Variants in STAG2 observed in about 807,000 individuals in gnomAD.
The protein encoded by STAG2 is STAG2 cohesin complex component.
A neutral mutation model predicts 108.1 loss-of-function variants in STAG2; 14 were observed. That is an observed-to-expected ratio of 0.13 (90% CI 0.09 to 0.20). STAG2 has a LOEUF of 0.20. Ranked by LOEUF, STAG2 falls within the 10% of genes least tolerant of loss-of-function variation. The pLI, the probability that STAG2 is intolerant of heterozygous loss-of-function variation, is 1.00. For synonymous variants in STAG2, 307 were observed against 302.7 expected, an observed-to-expected ratio of 1.01 and a Z score of -0.15; for missense variants, 440 against 940.9, an observed-to-expected ratio of 0.47 and a Z score of 6.96.
intron 13 of STAG2, among the ~76,000 whole-genome samples, chrX:124,053,722 C>G (rs1279054164): frequency 1.8e-5 from 2 of 111,434 alleles, no homozygotes; most frequent in African/African-American, 6.5e-5. Context: ...GAGCATGACA[C>G]AAAAGCTAGA....
rs747854079 is a variant in STAG2, at chrX:124,061,325, A to C, written c.1518A>C (p.Pro506=). Residue 506 remains proline (P), a synonymous_variant, in exon 16 of 35, where the codon CCA becomes CCC. Transcript: ENST00000371145. ...TGAATAGCTTGTTACTGGAAGAGCC[A>C]CTTAGTGGAGAGGAAGGTAAGGATG... ...ECMNSLLLEE[P]LSGEEALTDR... The C allele has an allele frequency of 8.3e-7, 1 of 1,197,868 alleles. No homozygotes were observed. Among genetic ancestry groups the C allele is most frequent in the Non-Finnish European group, 1.1e-6 (1 of 883,888 alleles).
chrX:124,037,765 AAAG>A (rs1373047516), intron 6 of STAG2, 142 bp downstream of exon 6: 1 of 228,554 alleles, frequency 4.4e-6, no homozygotes, highest in African/African-American at 2.9e-5. Flanking sequence ...TGTAAGGAAA[AAAG>A]AGCAAAGGAC....
At chrX:124,012,721 C>T (rs1431512310) in intron 1 of STAG2, among the ~76,000 whole-genome samples, 2 of 111,642 alleles carry the variant, frequency 1.8e-5, no homozygotes, top group Non-Finnish European at 3.8e-5. Flanking sequence ...TTAATAGTCA[C>T]CACATTTTTA....
chrX:124,024,913 A>C (rs192815936), intron 3 of STAG2, among the ~76,000 whole-genome samples: 4 of 111,989 alleles, frequency 3.6e-5, no homozygotes, highest in African/African-American at 1.3e-4. Flanking sequence ...TAATATAAGT[A>C]TGCCTTGCTT....
chrX:124,031,667 C>A (rs983453306), intron 5 of STAG2, among the ~76,000 whole-genome samples: 2 of 109,037 alleles, frequency 1.8e-5, no homozygotes, highest in African/African-American at 6.7e-5. Flanking sequence ...ATCTGCCCTC[C>A]TTGGCCTCCC....
intron 34 of STAG2, among the ~76,000 whole-genome samples, chrX:124,098,952 A>C (rs1293660022): frequency 8.9e-6 from 1 of 112,022 alleles, no homozygotes; most frequent in African/African-American, 3.2e-5. Context: ...CAGAATTGCC[A>C]AAATACACTG....
chrX:124,015,387 T>G (rs1827465184), intron 1 of STAG2, among the ~76,000 whole-genome samples: 2 of 107,364 alleles, frequency 1.9e-5, no homozygotes, highest in South Asian at 8.2e-4. Context: ...AAGAAGAATT[T>G]CTTTTTTTTT....
In STAG2 at chrX:124,010,936, C is replaced by G. The variant is rs1423201259; in HGVS notation, c.-162-10431C>G. ...ATTTTTTTCATTTTTGCAAAAAGTG[C>G]TATTGGAATTTTGATAGGGATTGTG... is the stretch of plus-strand genomic sequence containing the variant. On this transcript the variant is annotated intron_variant, in intron 1 of 34. Coordinates refer to ENST00000371145, the MANE Select transcript of STAG2 (RefSeq NM_001042750.2). 3.6e-5 allele frequency among the ~76,000 whole-genome samples: 4 copies of G among 110,987 alleles called. No homozygotes were observed. In the East Asian group the frequency reaches 1.1e-3, roughly 31 times the overall value.
chrX:123,977,087 A>T (rs1403423011), intron 1 of STAG2, among the ~76,000 whole-genome samples: 4 of 111,903 alleles, frequency 3.6e-5, no homozygotes, highest in Non-Finnish European at 7.5e-5. Context: ...GTCATGTTTT[A>T]TAATAAACAT....
intron 17 of STAG2, 133 bp from the exon 18 acceptor site, chrX:124,062,768 GT>G: frequency 2.2e-6 from 1 of 456,073 alleles, no homozygotes; most frequent in Non-Finnish European, 3.6e-6. Flanking sequence ...TAGGGTTAAT[GT>G]TTTATAGTGA....
intron 3 of STAG2, among the ~76,000 whole-genome samples, chrX:124,024,866 T>G (rs1420964593): frequency 8.9e-6 from 1 of 111,948 alleles, no homozygotes; most frequent in Non-Finnish European, 1.9e-5. Context: ...CTTTTATGGA[T>G]GTGGCTCAAT....
intron 27 of STAG2, 30 bp downstream of exon 27, chrX:124,078,088 A>G (rs1603137531): frequency 5.9e-6 from 6 of 1,012,832 alleles, no homozygotes; most frequent in African/African-American, 5.7e-5. Context: ...ACTTTAGCTA[A>G]CACAATTAAC....
intron 4 of STAG2, 138 bp from the exon 5 acceptor site, chrX:124,030,823 C>A: frequency 1.7e-6 from 1 of 601,367 alleles, no homozygotes; most frequent in Non-Finnish European, 2.4e-6. Context: ...ACAGTTATAT[C>A]ATTTTGTTAT....
At chrX:124,018,496 G>A (rs967281445) in intron 1 of STAG2, among the ~76,000 whole-genome samples, 1 of 110,251 alleles carries the variant, frequency 9.1e-6, no homozygotes, top group Non-Finnish European at 1.9e-5. Context: ...ACAGACGGAC[G>A]GATGGATGGA....
intron 1 of STAG2, among the ~76,000 whole-genome samples, chrX:124,003,990 A>G (rs2056176720): frequency 8.9e-6 from 1 of 112,142 alleles, no homozygotes; most frequent in Admixed American, 9.5e-5. Flanking sequence ...TTTTTATGGT[A>G]AAATACAGAT....
In STAG2 at chrX:124,101,950, CTATT is replaced by C. The variant is rs2059513376; in HGVS notation, c.*1354_*1357del. The C allele has an allele frequency of 1.2e-5, 2 of 161,871 alleles. No homozygotes were observed. Among genetic ancestry groups the C allele is most frequent in the East Asian group, 9.2e-5 (1 of 10,896 alleles). The allele number at this position is 161,871 out of a possible 1,213,427, so 13.3% of individuals were successfully genotyped here. A position where few individuals can be genotyped will look rare whatever the true frequency, so the allele number is the denominator to read the frequency against. On this transcript the variant is annotated 3_prime_UTR_variant, in exon 35 of 35. Transcript: ENST00000371145. ...TAACTTATATTACATGTGTATCTATCTATTGTCAGTCGTCTCTCAGTTCTTGAGG... is the reference window on the plus strand; with the variant it reads ...TAACTTATATTACATGTGTATCTATCGTCAGTCGTCTCTCAGTTCTTGAGG...
At chrX:124,058,105 T>C (rs759053769) in intron 15 of STAG2, 128 bp downstream of exon 15, 1 of 221,340 alleles carries the variant, frequency 4.5e-6, no homozygotes, top group Non-Finnish European at 7.9e-6. Context: ...AGCCACCCAC[T>C]CCCCCACTCC....
chrX:124,068,735 T>C lies in STAG2; in HGVS notation c.2358+79T>C, dbSNP rs1430751675. On this transcript the variant is annotated intron_variant, in intron 24 of 34. Coordinates refer to ENST00000371145, the MANE Select transcript of STAG2 (RefSeq NM_001042750.2). ...GAACTAATGTAGAAAGTTTAAATAA[T>C]ACTAAGATTGAGCAAAGCAGAAATA... 4 of 676,486 alleles carry C rather than the reference T, an allele frequency of 5.9e-6. 1 individual carries two copies. The African/African-American group carries it at 9.0e-5, about 15-fold the overall frequency. The allele number at this position is 676,486 out of a possible 1,213,427, so 55.8% of individuals were successfully genotyped here.
intron 6 of STAG2, among the ~76,000 whole-genome samples, chrX:124,040,056 A>G (rs1281312874): frequency 8.9e-6 from 1 of 112,052 alleles, no homozygotes; most frequent in African/African-American, 3.2e-5. Context: ...GGAATTTACT[A>G]TATAATCAAA....
Sources: gnomAD v4.1 joint callset for allele counts (sites outside exome capture counted in the v4.1 genomes callset) on GRCh38, gnomAD v4.1.1 for gene constraint, MANE v1.5 for transcripts, NCBI Gene and HGNC (gene_info 2026-07-23, HGNC 2026-07-21) for gene names.